CYSTM1: variants seen among roughly 807,000 people sequenced by gnomAD.
CYSTM1 encodes cysteine-rich transmembrane module-containing protein 1.
In CYSTM1, 4 loss-of-function variants were observed where a neutral mutation model predicts 13.1. The observed-to-expected ratio is 0.31, with a 90% CI of 0.15 to 0.70. The LOEUF (loss-of-function observed/expected upper bound fraction) is 0.70, where lower values mean the gene tolerates loss of function less well. CYSTM1 is among the 30% of genes least tolerant of loss of function. CYSTM1 has a pLI of 0.72. For synonymous variants in CYSTM1, 36 were observed against 42.7 expected (o/e 0.84, Z 0.62); for missense variants, 96 against 121.6 (o/e 0.79, Z 0.99).
At chr5:140,222,237 C>T (rs1370032633) in intron 2 of CYSTM1, among the ~76,000 whole-genome samples, 2 of 152,252 alleles carry the variant, frequency 1.3e-5, no homozygotes, top group African/African-American at 4.8e-5. Flanking sequence ...CCATGTCTTC[C>T]AGTTTTTGTA....
chr5:140,178,048 G>GA (rs1763913047), intron 1 of CYSTM1, among the ~76,000 whole-genome samples: 1 of 152,004 alleles, frequency 6.6e-6, no homozygotes, highest in African/African-American at 2.4e-5. Context: ...TTACTGTCAG[G>GA]AAAAAAATGT....
intron 1 of CYSTM1, among the ~76,000 whole-genome samples, chr5:140,193,909 A>G (rs1359298982): frequency 1.3e-5 from 2 of 152,210 alleles, no homozygotes; most frequent in Non-Finnish European, 2.9e-5. Flanking sequence ...CCCCAGAGCA[A>G]TGGTGATGGT....
intron 2 of CYSTM1, chr5:140,203,271 T>A (rs561567319): frequency 6.6e-4 from 101 of 152,334 alleles, no homozygotes; most frequent in African/African-American, 2.4e-3. Context: ...GCAAAGATAA[T>A]ACAAATGGTT....
intron 2 of CYSTM1, among the ~76,000 whole-genome samples, chr5:140,224,579 G>A (rs1764527426): frequency 6.6e-6 from 1 of 151,924 alleles, no homozygotes; most frequent in African/African-American, 2.4e-5. Flanking sequence ...GGAATGTGGT[G>A]GTGTGATCAT....
At chr5:140,201,960 G>A (rs1764239497) in intron 2 of CYSTM1, 1 of 137,614 alleles carries the variant, frequency 7.3e-6, no homozygotes, top group Non-Finnish European at 1.5e-5. Context: ...TTTTTTGACG[G>A]AGTCTTGCTC....
intron 2 of CYSTM1, among the ~76,000 whole-genome samples, chr5:140,204,039 G>A (rs896042558): frequency 6.6e-6 from 1 of 152,072 alleles, no homozygotes; most frequent in Non-Finnish European, 1.5e-5. Flanking sequence ...GAGAAGTTTA[G>A]TGACTTTCCA....
rs1056363980 is a variant in CYSTM1 at position 140,207,105 on chromosome 5, T to C, written c.187+12453T>C. On this transcript the variant is annotated intron_variant, in intron 2 of 2. Coordinates refer to ENST00000261811, the MANE Select transcript of CYSTM1 (RefSeq NM_032412.4). ...ACAGGGCCAGCATCTTTTAAGACTTTAGCTGGGTCTGTCAGAGGCTTGAGA... is the reference window on the plus strand; with the variant it reads ...ACAGGGCCAGCATCTTTTAAGACTTCAGCTGGGTCTGTCAGAGGCTTGAGA... Among the ~76,000 whole-genome samples the C allele has an allele frequency of 3.3e-5, 5 of 152,212 alleles. No individual in the cohort carries two copies. The East Asian group carries it at 7.7e-4, about 23-fold the overall frequency.
At position 140,193,971 on chromosome 5, in the gene CYSTM1, C is replaced by T. The variant is rs1764122386; in HGVS notation, c.-20-475C>T. 2.0e-5 allele frequency among the ~76,000 whole-genome samples: 3 copies of T among 152,246 alleles called. No homozygotes were observed. In the South Asian group the frequency reaches 6.2e-4, roughly 31 times the overall value. On this transcript the variant is annotated intron_variant, in intron 1 of 2. Transcript: ENST00000261811. Reference sequence around the variant, plus strand: ...CAGTGCTGCTCGTTAGAAGGCCCCACTGTGGCCCAGCCCTGTTGATTGGAG... The same window carrying T: ...CAGTGCTGCTCGTTAGAAGGCCCCATTGTGGCCCAGCCCTGTTGATTGGAG...
chr5:140,232,734 G>A (rs1188469535), intron 2 of CYSTM1, among the ~76,000 whole-genome samples: 1 of 152,228 alleles, frequency 6.6e-6, no homozygotes, highest in East Asian at 1.9e-4. Context: ...GCATGGAACA[G>A]GCAAGCTCAC....
intron 2 of CYSTM1, among the ~76,000 whole-genome samples, chr5:140,217,356 G>A (rs1230378964): frequency 1.3e-5 from 2 of 152,086 alleles, no homozygotes; most frequent in African/African-American, 4.8e-5. Flanking sequence ...AGTACCTCAG[G>A]CAGCTAGTGG....
intron 1 of CYSTM1, among the ~76,000 whole-genome samples, chr5:140,184,072 C>T (rs1581057788): frequency 1.5e-5 from 2 of 134,122 alleles, no homozygotes; most frequent in South Asian, 4.6e-4. Context: ...TTAAATATAA[C>T]ATATGTATAA....
intron 2 of CYSTM1, among the ~76,000 whole-genome samples, chr5:140,211,300 T>C (rs1432126595): frequency 6.6e-6 from 1 of 152,194 alleles, no homozygotes; most frequent in Non-Finnish European, 1.5e-5. Context: ...AGCTAAGAAG[T>C]GATGGAGCTG....
intron 2 of CYSTM1, among the ~76,000 whole-genome samples, chr5:140,209,403 A>T (rs1311775923): frequency 6.8e-6 from 1 of 147,210 alleles, no homozygotes; most frequent in Admixed American, 6.8e-5. Context: ...AGTAGCTGGG[A>T]TTACAGGCAC....
chr5:140,188,778 C>CAAAAAAAA (rs34915397), intron 1 of CYSTM1, among the ~76,000 whole-genome samples: 1 of 113,444 alleles, frequency 8.8e-6, no homozygotes, highest in African/African-American at 3.4e-5. Flanking sequence ...GACTCCGTCT[C>CAAAAAAAA]AAAAAAAAAA....
rs1203300461 is a variant in CYSTM1 at position 140,219,358 on chromosome 5, CA to C, written c.188-23945del. 6.6e-6 allele frequency among the ~76,000 whole-genome samples: 1 copy of C among 152,088 alleles called. No homozygotes were observed. The highest frequency in any genetic ancestry group is 1.5e-5 in the Non-Finnish European group (1 of 68,020). On this transcript the variant is annotated intron_variant, in intron 2 of 2. Coordinates refer to ENST00000261811, the MANE Select transcript of CYSTM1 (RefSeq NM_032412.4). The surrounding 1 kb of genome is among the most constrained non-coding windows in gnomAD (Gnocchi z 4.1). The stretch of plus-strand genomic sequence containing the variant: ...CCCTGCACAGTTCTTTGCAAATCTA[CA>C]AGGAATGGCCTTTGTTTCTCTGAAA...
chr5:140,243,361 G>A lies in CYSTM1; in HGVS notation c.244G>A (p.Ala82Thr), dbSNP rs768237672. ...DELGPSTCLT[A>T]CWTALCCCCL... ...GCTAGGACCATCCACCTGCCTCACA[G>A]CCTGCTGGACGGCTCTCTGTTGCTG... The change falls in exon 3 of 3, where the codon GCC becomes ACC. Residue 82 changes from alanine (A) to threonine (T), a missense_variant. Transcript: ENST00000261811. 1.9e-6 allele frequency: 3 copies of A among 1,614,160 alleles called. No individual in the cohort carries two copies. In the Admixed American group the frequency reaches 5.0e-5, roughly 27 times the overall value.
chr5:140,176,817 C>A (rs919803303), intron 1 of CYSTM1, among the ~76,000 whole-genome samples: 1 of 152,154 alleles, frequency 6.6e-6, no homozygotes, highest in Admixed American at 6.5e-5. Flanking sequence ...CACCTGTAAT[C>A]CCAGCACTTT....
intron 2 of CYSTM1, among the ~76,000 whole-genome samples, chr5:140,205,627 TAGAGCTGGGATTACGGGATTGTGATAA>T (rs1178686479): frequency 6.6e-6 from 1 of 152,194 alleles, no homozygotes; most frequent in Non-Finnish European, 1.5e-5. Flanking sequence ...TTCTTGTCTG[TAGAGCTGGGATTACGGGATTGTGATAA>T]AGAATAAATA....
chr5:140,233,279 C>T (rs1275410665), intron 2 of CYSTM1, among the ~76,000 whole-genome samples: 1 of 152,164 alleles, frequency 6.6e-6, no homozygotes, highest in African/African-American at 2.4e-5. Flanking sequence ...AGGATACTGC[C>T]TTGCGAGCAC....
Sources: gnomAD v4.1 joint callset for allele counts (sites outside exome capture counted in the v4.1 genomes callset) on GRCh38, gnomAD v4.1.1 for gene constraint, Gnocchi (gnomAD v3.1) non-coding constraint, MANE v1.5 for transcripts, NCBI Gene and HGNC (gene_info 2026-07-23, HGNC 2026-07-21) for gene names.